LUC7L2: variants seen among roughly 807,000 people sequenced by gnomAD.
LUC7L2 encodes putative RNA-binding protein Luc7-like 2.
LUC7L2 carries 25 observed loss-of-function variants against 52.8 expected under a neutral mutation model. The observed-to-expected ratio is 0.47, with a 90% CI of 0.34 to 0.66. The LOEUF is 0.66. Ranked by LOEUF, LUC7L2 falls within the 30% of genes least tolerant of loss-of-function variation. The pLI is 0.01. For missense variants in LUC7L2, 328 were observed against 497.8 expected, an observed-to-expected ratio of 0.66 and a Z score of 3.25; for synonymous variants, 144 against 160.9, an observed-to-expected ratio of 0.89 and a Z score of 0.80.
intron 2 of LUC7L2, among the ~76,000 whole-genome samples, chr7:139,378,710 T>C (rs1045150833): frequency 3.9e-5 from 6 of 152,262 alleles, no homozygotes; most frequent in African/African-American, 1.2e-4. Context: ...GCATTTGTTC[T>C]TTAGGGATTG....
At chr7:139,418,033 C>T (rs192181289) in intron 9 of LUC7L2, among the ~76,000 whole-genome samples, 12 of 152,214 alleles carry the variant, frequency 7.9e-5, no homozygotes, top group Non-Finnish European at 1.5e-4. Flanking sequence ...AATACCAATA[C>T]CCTTAGTATG....
At chr7:139,395,908 G>C (rs925386219) in intron 2 of LUC7L2, among the ~76,000 whole-genome samples, 1 of 152,090 alleles carries the variant, frequency 6.6e-6, no homozygotes, top group African/African-American at 2.4e-5. Flanking sequence ...TTGGCCCCCC[G>C]AAGTGCTGGG....
intron 2 of LUC7L2, among the ~76,000 whole-genome samples, chr7:139,378,750 T>C (rs971534311): frequency 2.6e-5 from 4 of 152,232 alleles, no homozygotes; most frequent in African/African-American, 9.6e-5. Flanking sequence ...TCTGTAATTA[T>C]AAGCTATTTG....
chr7:139,359,931 G>A lies in LUC7L2; in HGVS notation c.-331G>A. On this transcript the variant is annotated 5_prime_UTR_variant, in exon 1 of 10. Coordinates refer to ENST00000354926, the MANE Select transcript of LUC7L2 (RefSeq NM_016019.5). The stretch of plus-strand genomic sequence containing the variant: ...GCGACGGTGGCGGCGAGCGGCGTCA[G>A]AGCTTGAGGGGGGGTTGACGGCTTC... The A allele has an allele frequency of 2.4e-6, 1 of 419,228 alleles. No individual in the cohort carries two copies. 26.0% of individuals were successfully genotyped at this position (419,228 alleles called of 1,614,324 possible). A position where few individuals can be genotyped will look rare whatever the true frequency, so the allele number is the denominator to read the frequency against.
intron 4 of LUC7L2, among the ~76,000 whole-genome samples, chr7:139,404,398 A>G (rs1202757397): frequency 2.0e-5 from 3 of 152,180 alleles, no homozygotes; most frequent in African/African-American, 7.2e-5. Context: ...AATCTCAGCT[A>G]CGTGGGAGGC....
chr7:139,407,680 A>T (rs1795183647), intron 6 of LUC7L2, among the ~76,000 whole-genome samples: 2 of 147,070 alleles, frequency 1.4e-5, no homozygotes, highest in African/African-American at 5.5e-5. Flanking sequence ...GTAATAATAT[A>T]ATATTTATAA....
chr7:139,401,757 T>C (rs1278653784), intron 3 of LUC7L2, among the ~76,000 whole-genome samples: 1 of 147,756 alleles, frequency 6.8e-6, no homozygotes, highest in Non-Finnish European at 1.5e-5. Flanking sequence ...CCAGCTTCTT[T>C]TTTTTTTTTT....
chr7:139,347,419 C>T lies in LUC7L2; in HGVS notation c.-26+6902C>T, dbSNP rs569664864. On this transcript the variant is annotated intron_variant, in intron 1 of 10. Transcript: ENST00000541170. Reference sequence around the variant, plus strand: ...CCTGACCAACATGGAGAAACCTCATCTCTACTAAAAATACAGAATTAGCTG... The same window carrying T: ...CCTGACCAACATGGAGAAACCTCATTTCTACTAAAAATACAGAATTAGCTG... Among the ~76,000 whole-genome samples the T allele has an allele frequency of 4.6e-5, 7 of 152,234 alleles. No homozygotes were observed. In the South Asian group the frequency reaches 1.4e-3, roughly 32 times the overall value.
intron 1 of LUC7L2, chr7:139,345,922 T>A: frequency 2.3e-6 from 1 of 429,814 alleles, no homozygotes; most frequent in Non-Finnish European, 3.9e-6. Flanking sequence ...AAAAAAATTT[T>A]TTTATATTTT....
intron 2 of LUC7L2, among the ~76,000 whole-genome samples, chr7:139,392,841 A>G (rs1268554345): frequency 6.6e-6 from 1 of 152,012 alleles, no homozygotes; most frequent in Non-Finnish European, 1.5e-5. Flanking sequence ...TTTAGTAGAG[A>G]CGAGGTTTCT....
At chr7:139,401,759 T>C (rs935544588) in intron 3 of LUC7L2, among the ~76,000 whole-genome samples, 2 of 151,196 alleles carry the variant, frequency 1.3e-5, no homozygotes, top group Admixed American at 1.3e-4. Context: ...AGCTTCTTTT[T>C]TTTTTTTTTT....
intron 1 of LUC7L2, among the ~76,000 whole-genome samples, chr7:139,344,367 C>G (rs905311156): frequency 1.3e-5 from 2 of 152,070 alleles, no homozygotes; most frequent in Non-Finnish European, 2.9e-5. Context: ...TGCAATATAA[C>G]CTATGCACAT....
At chr7:139,399,385 C>T (rs187225905) in intron 3 of LUC7L2, among the ~76,000 whole-genome samples, 81 of 149,190 alleles carry the variant, frequency 5.4e-4, no homozygotes, top group Non-Finnish European at 9.8e-4. Flanking sequence ...TTTTGGTATC[C>T]GCTGGGTCTC....
At chr7:139,346,942 C>G (rs1216755079) in intron 1 of LUC7L2, among the ~76,000 whole-genome samples, 1 of 152,194 alleles carries the variant, frequency 6.6e-6, no homozygotes, top group Admixed American at 6.5e-5. Flanking sequence ...GCTCTAATAA[C>G]CTTCTCCTCG....
chr7:139,341,624 G>C, intron 1 of LUC7L2: 1 of 1,508,286 alleles, frequency 6.6e-7, no homozygotes, highest in South Asian at 1.3e-5. Flanking sequence ...GCATTTCTGA[G>C]GCCAACCCTC....
upstream of LUC7L2, among the ~76,000 whole-genome samples, chr7:139,356,494 T>C (rs1054357349): frequency 2.0e-5 from 3 of 151,468 alleles, no homozygotes; most frequent in African/African-American, 7.3e-5. Flanking sequence ...GCAAACTTCA[T>C]AGTCAGGCTG....
At chr7:139,350,196 A>C (rs965122606) in intron 1 of LUC7L2, among the ~76,000 whole-genome samples, 1 of 151,672 alleles carries the variant, frequency 6.6e-6, no homozygotes, top group East Asian at 1.9e-4. Flanking sequence ...ATCTCTGCTC[A>C]CTGCAAGCTC....
chr7:139,356,059 C>G (rs1402458506), upstream of LUC7L2, among the ~76,000 whole-genome samples: 1 of 152,156 alleles, frequency 6.6e-6, no homozygotes, highest in Non-Finnish European at 1.5e-5. Context: ...GTAATTCCAG[C>G]ACTTCAGGAG....
chr7:139,400,277 CAG>C (rs1491462825), intron 3 of LUC7L2, among the ~76,000 whole-genome samples: 2 of 152,030 alleles, frequency 1.3e-5, no homozygotes, highest in South Asian at 4.1e-4. Flanking sequence ...GAGGCCGAGG[CAG>C]GGGTGGATCA....
Sources: allele counts gnomAD v4.1 joint callset (sites outside exome capture counted in the v4.1 genomes callset), GRCh38; gene constraint gnomAD v4.1.1; transcripts MANE v1.5; gene names NCBI Gene and HGNC (gene_info 2026-07-23, HGNC 2026-07-21).